The following ST7 variants were observed in gnomAD, a reference collection of about 807,000 sequenced individuals.
ST7 encodes suppressor of tumorigenicity 7 protein.
ST7 carries 28 observed loss-of-function variants against 78.7 expected under a neutral mutation model. The ratio of observed to expected loss-of-function variants is 0.36; its 90% CI spans 0.26 to 0.49. The LOEUF (loss-of-function observed/expected upper bound fraction) is 0.49, where lower values mean the gene tolerates loss of function less well. ST7 is among the 20% of genes least tolerant of loss of function. The pLI, the probability that ST7 is intolerant of heterozygous loss-of-function variation, is 0.99. For synonymous variants in ST7, 247 were observed against 249.6 expected (o/e 0.99, Z 0.10); for missense variants, 418 against 696.0 (o/e 0.60, Z 4.49).
At chr7:117,184,925 G>A (rs1488762805) in intron 10 of ST7, among the ~76,000 whole-genome samples, 4 of 152,060 alleles carry the variant, frequency 2.6e-5, no homozygotes, top group Admixed American at 6.6e-5. Context: ...ATAAATTTCT[G>A]GAAACCTCTA....
chr7:117,033,476 T>G (rs1264211461), intron 1 of ST7, among the ~76,000 whole-genome samples: 1 of 151,118 alleles, frequency 6.6e-6, no homozygotes, highest in Non-Finnish European at 1.5e-5. Flanking sequence ...CAGGCTGGAG[T>G]GTCGTAGTGC....
intron 1 of ST7, chr7:117,072,123 A>G (rs1401152901): frequency 1.3e-5 from 2 of 152,226 alleles, no homozygotes; most frequent in African/African-American, 2.4e-5. Context: ...TCAACTTCAC[A>G]TTTCCTAGAG....
rs566257456 is a variant in ST7 at position 117,169,716 on chromosome 7, G to A, written c.964-1146G>A. ...TACTGTACCTGGGCTGCTGGCCACC[G>A]CTAGGTAAAACTTGACAACCATGGC... On this transcript the variant is annotated intron_variant, in intron 9 of 15. Coordinates refer to ENST00000323984, the MANE Select transcript of ST7 (RefSeq NM_001369598.1). Among the ~76,000 whole-genome samples, 21 of 151,724 alleles carry A rather than the reference G, an allele frequency of 1.4e-4. 1 individual carries two copies. The East Asian group carries it at 3.1e-3, about 22-fold the overall frequency.
intron 1 of ST7, among the ~76,000 whole-genome samples, chr7:116,985,531 ATTT>A (rs145596514): frequency 6.6e-6 from 1 of 152,154 alleles, no homozygotes; most frequent in Non-Finnish European, 1.5e-5. Context: ...ATATAAAGCA[ATTT>A]TTGTTTTACT....
Position 117,190,800 on chromosome 7 carries a change from C to T in ST7, c.1152-34C>T, listed in dbSNP as rs1461016073. The stretch of plus-strand genomic sequence containing the variant: ...CCGGGTTGATGCCCAAGCAGTGGTC[C>T]CACCTGGATGGTTTTTGTCTTTCTG... On this transcript the variant is annotated intron_variant, in intron 11 of 15. Coordinates refer to ENST00000323984, the MANE Select transcript of ST7 (RefSeq NM_001369598.1). The surrounding 1 kb of genome is among the most constrained non-coding windows in gnomAD (Gnocchi z 5.2). The T allele has an allele frequency of 1.3e-6, 2 of 1,585,412 alleles. No individual in the cohort carries two copies. The highest frequency in any genetic ancestry group is 2.7e-5 in the African/African-American group (2 of 74,282).
In ST7 at chr7:117,075,310, A is replaced by T. The variant is rs1191713462; in HGVS notation, c.152-24452A>T. Among the ~76,000 whole-genome samples the T allele has an allele frequency of 2.6e-5, 4 of 152,328 alleles. No individual in the cohort carries two copies. The South Asian group carries it at 8.3e-4, about 32-fold the overall frequency. The stretch of plus-strand genomic sequence containing the variant: ...TATATATTATATGCCATTGAACTCA[A>T]TTAACATAGTGACAATTTTTATTTT... On this transcript the variant is annotated intron_variant, in intron 1 of 15. Transcript: ENST00000323984.
Position 116,953,710 on chromosome 7 carries a change from G to A in ST7, c.151+19G>A. ...AGCACAGGTAAGGCCTGGGAGCCGG[G>A]CCCGCGGCGCCCACCCCTCCCCCGC... On this transcript the variant is annotated intron_variant, in intron 1 of 15. Transcript: ENST00000323984. 1 of 1,421,832 alleles carries A rather than the reference G, an allele frequency of 7.0e-7. No individual in the cohort carries two copies. The highest frequency in any genetic ancestry group is 9.4e-7 in the Non-Finnish European group (1 of 1,066,180). The allele number at this position is 1,421,832 out of a possible 1,614,324, so 88.1% of individuals were successfully genotyped here.
chr7:117,218,058 T>G (rs1290830988), intron 13 of ST7, among the ~76,000 whole-genome samples: 1 of 152,226 alleles, frequency 6.6e-6, no homozygotes, highest in Non-Finnish European at 1.5e-5. Context: ...AAGATAAATA[T>G]GTACATTGAC....
chr7:117,070,640 A>G (rs535494347), intron 1 of ST7, among the ~76,000 whole-genome samples: 1 of 152,062 alleles, frequency 6.6e-6, no homozygotes, highest in South Asian at 2.1e-4. Context: ...TCTCGGGTTC[A>G]CGCCATTCTC....
At chr7:117,054,972 C>T (rs1377458254) in intron 1 of ST7, among the ~76,000 whole-genome samples, 1 of 152,134 alleles carries the variant, frequency 6.6e-6, no homozygotes, top group Non-Finnish European at 1.5e-5. Flanking sequence ...TTCATTGGTT[C>T]TAAGTTAACA....
chr7:117,097,904 A>ATTTTTTTTTT (rs1171743827), intron 1 of ST7, among the ~76,000 whole-genome samples: 2 of 33,720 alleles, frequency 5.9e-5, no homozygotes, highest in African/African-American at 1.9e-4. Context: ...ATATATATAT[A>ATTTTTTTTTT]TATATTTTTT....
chr7:117,223,104 TC>T (rs1793216265), intron 15 of ST7: 1 of 678,358 alleles, frequency 1.5e-6, no homozygotes, highest in African/African-American at 1.8e-5. Flanking sequence ...CCTCTCTCAC[TC>T]CCCACATCCC....
intron 9 of ST7, among the ~76,000 whole-genome samples, chr7:117,149,197 C>T (rs2117141929): frequency 6.6e-6 from 1 of 152,256 alleles, no homozygotes; most frequent in South Asian, 2.1e-4. Flanking sequence ...GGTACACAAA[C>T]CTGCTTTCTG....
At chr7:117,111,072 GAGCTTGTTGACATGCCT>G (rs540486971) in intron 2 of ST7, among the ~76,000 whole-genome samples, 4,460 of 152,264 alleles carry the variant, frequency 0.029, 89 homozygotes, top group Non-Finnish European at 0.048. Flanking sequence ...TCCTGCTTTA[GAGCTTGTTGACATGCCT>G]AGCCTTTAGG....
chr7:117,211,359 A>G (rs951032651), intron 13 of ST7, among the ~76,000 whole-genome samples: 1 of 152,188 alleles, frequency 6.6e-6, no homozygotes, highest in Non-Finnish European at 1.5e-5. Flanking sequence ...GTGTGTGAGC[A>G]TGGTCATGAT....
intron 2 of ST7, among the ~76,000 whole-genome samples, chr7:117,114,072 G>A (rs543897757): frequency 1.3e-5 from 2 of 152,234 alleles, no homozygotes; most frequent in East Asian, 3.9e-4. Flanking sequence ...CCACAAAGGC[G>A]GGTGGAAGGG....
At chr7:117,004,856 A>G (rs1795094415) in intron 1 of ST7, among the ~76,000 whole-genome samples, 1 of 152,212 alleles carries the variant, frequency 6.6e-6, no homozygotes, top group Non-Finnish European at 1.5e-5. Flanking sequence ...TTTGGATAGA[A>G]CAAAACATTT....
chr7:117,059,947 C>T (rs760256642), intron 1 of ST7, among the ~76,000 whole-genome samples: 24 of 152,000 alleles, frequency 1.6e-4, no homozygotes, highest in Non-Finnish European at 3.1e-4. Flanking sequence ...CGCACTACCC[C>T]ACTTCACCCT....
chr7:117,220,894 T>C (rs1793037011), intron 14 of ST7, among the ~76,000 whole-genome samples: 2 of 152,184 alleles, frequency 1.3e-5, no homozygotes, highest in African/African-American at 2.4e-5. Context: ...GTATTAGCCT[T>C]GTGGATTACT....
Sources: allele counts gnomAD v4.1 joint callset (sites outside exome capture counted in the v4.1 genomes callset), GRCh38; gene constraint gnomAD v4.1.1; non-coding constraint Gnocchi (gnomAD v3.1); transcripts MANE v1.5; gene names NCBI Gene and HGNC (gene_info 2026-07-23, HGNC 2026-07-21).